Variants in CARNMT1 observed in about 807,000 individuals in gnomAD.
CARNMT1 encodes the protein protein-L-histidine N-pros-methyltransferase CARNMT1.
CARNMT1 carries 28 observed loss-of-function variants against 49.6 expected under a neutral mutation model. The ratio of observed to expected loss-of-function variants is 0.56; its 90% CI spans 0.42 to 0.77. The LOEUF is 0.77. CARNMT1 is among the 30% of genes least tolerant of loss of function. The probability of loss-of-function intolerance (pLI) is 0.00; values close to 1 mark genes in which losing one functional copy is unlikely to be tolerated. For missense variants in CARNMT1, 421 were observed against 512.6 expected (o/e 0.82, Z 1.73); for synonymous variants, 178 against 175.0 (o/e 1.02, Z -0.13).
intron 6 of CARNMT1, among the ~76,000 whole-genome samples, chr9:74,990,739 T>C (rs1426216543): frequency 6.6e-6 from 1 of 152,140 alleles, no homozygotes; most frequent in African/African-American, 2.4e-5. Flanking sequence ...GAATATCTGG[T>C]TGTTTCACAA....
In CARNMT1 at chr9:74,983,662, C is replaced by T; in HGVS notation, c.*105G>A. On this transcript the variant is annotated 3_prime_UTR_variant, in exon 8 of 8. Coordinates refer to ENST00000376834, the MANE Select transcript of CARNMT1 (RefSeq NM_152420.3). Reference sequence around the variant, plus strand: ...TTTCGTTAGGAATAAGAAGGCACCACTGATTTGAGGTTGTGTCCTGTCATC... The same window carrying T: ...TTTCGTTAGGAATAAGAAGGCACCATTGATTTGAGGTTGTGTCCTGTCATC... 5.0e-6 allele frequency: 3 copies of T among 605,208 alleles called. No individual in the cohort carries two copies. The highest frequency in any genetic ancestry group is 5.5e-5 in the East Asian group (2 of 36,090). 37.5% of individuals were successfully genotyped at this position (605,208 alleles called of 1,614,324 possible).
At chr9:75,021,238 ATATATACATAG>A (rs932165724) in intron 1 of CARNMT1, among the ~76,000 whole-genome samples, 217 of 144,754 alleles carry the variant, frequency 1.5e-3, no homozygotes, top group African/African-American at 4.9e-3. Flanking sequence ...TATATAGAGT[ATATATACATAG>A]TATATACATA....
intron 3 of CARNMT1, among the ~76,000 whole-genome samples, chr9:75,012,183 A>G (rs1833708067): frequency 6.6e-6 from 1 of 152,094 alleles, no homozygotes; most frequent in Non-Finnish European, 1.5e-5. Context: ...ATCCTTGACC[A>G]TTTGAGATGT....
At chr9:75,028,425 A>G, upstream of CARNMT1, 3 of 1,280,874 alleles carry the variant, frequency 2.3e-6, no homozygotes, top group Non-Finnish European at 2.9e-6. Flanking sequence ...CAGGGCTCCC[A>G]GAACCAATGC....
Position 75,016,450 on chromosome 9 carries a change from T to A in CARNMT1, c.427-19A>T, listed in dbSNP as rs771819384. Reference sequence around the variant, plus strand: ...CATTCCCCTGTTTAAAAAACAGACATCAATTAGCTTCTGAGAGAGTAATCC... The same window carrying A: ...CATTCCCCTGTTTAAAAAACAGACAACAATTAGCTTCTGAGAGAGTAATCC... On this transcript the variant is annotated intron_variant, in intron 2 of 7. Transcript: ENST00000376834. 5.0e-6 allele frequency: 8 copies of A among 1,611,752 alleles called. No homozygotes were observed. In the African/African-American group the frequency reaches 9.4e-5, roughly 19 times the overall value.
At chr9:74,999,610 T>C (rs1310782696) in intron 4 of CARNMT1, 120 bp downstream of exon 4, 7 of 769,218 alleles carry the variant, frequency 9.1e-6, no homozygotes, top group Non-Finnish European at 1.4e-5. Context: ...GACACATTTG[T>C]GATATATATA....
Position 75,017,249 on chromosome 9 carries a change from A to C in CARNMT1, c.426+4T>G, listed in dbSNP as rs756894080. The C allele has an allele frequency of 1.9e-6, 3 of 1,605,628 alleles. No homozygotes were observed. Among genetic ancestry groups the C allele is most frequent in the Non-Finnish European group, 2.6e-6 (3 of 1,173,622 alleles). ...AAACAGAAATAGAACAAACTTTCAC[A>C]TACATCTTCTCCATATTCTTTATTT... On this transcript the variant is annotated splice_donor_region_variant and intron_variant, in intron 2 of 7. Coordinates refer to ENST00000376834, the MANE Select transcript of CARNMT1 (RefSeq NM_152420.3).
At position 75,013,181 on chromosome 9, in the gene CARNMT1, T is replaced by C. The variant is rs930929975; in HGVS notation, c.590+3087A>G. On this transcript the variant is annotated intron_variant, in intron 3 of 7. Coordinates refer to ENST00000376834, the MANE Select transcript of CARNMT1 (RefSeq NM_152420.3). ...TCTCCATAACCCATGCACGGAGACCTGAAAAATCATCCTTACTGGGTATAA... is the reference window on the plus strand; with the variant it reads ...TCTCCATAACCCATGCACGGAGACCCGAAAAATCATCCTTACTGGGTATAA... Among the ~76,000 whole-genome samples, 2 of 152,148 alleles carry C rather than the reference T, an allele frequency of 1.3e-5. 1 individual carries two copies. The highest frequency in any genetic ancestry group is 4.8e-5 in the African/African-American group (2 of 41,442).
intron 3 of CARNMT1, among the ~76,000 whole-genome samples, chr9:75,008,761 T>G (rs1253980199): frequency 6.6e-6 from 1 of 152,214 alleles, no homozygotes; most frequent in Non-Finnish European, 1.5e-5. Flanking sequence ...CAAAGCAATC[T>G]ATATATTCAG....
At chr9:75,021,302 T>C in intron 1 of CARNMT1, among the ~76,000 whole-genome samples, 1 of 130,810 alleles carries the variant, frequency 7.6e-6, no homozygotes, top group South Asian at 2.4e-4. Flanking sequence ...GTATATATAC[T>C]ACTATATACA....
intron 2 of CARNMT1, chr9:75,017,036 T>G: frequency 2.1e-6 from 1 of 482,554 alleles, no homozygotes; most frequent in South Asian, 4.6e-5. Flanking sequence ...CATCAAAATC[T>G]CAACAGTTAT....
At chr9:74,986,492 T>TTA (rs1288824887) in intron 6 of CARNMT1, among the ~76,000 whole-genome samples, 1 of 152,236 alleles carries the variant, frequency 6.6e-6, no homozygotes, top group Non-Finnish European at 1.5e-5. Context: ...GCACTGCTGT[T>TTA]TCCTAGACTA....
chr9:75,015,139 G>A (rs1351618586), intron 3 of CARNMT1, among the ~76,000 whole-genome samples: 1 of 152,158 alleles, frequency 6.6e-6, no homozygotes. Flanking sequence ...AGAATTCACT[G>A]AGTCTCTGAA....
chr9:74,987,367 A>G (rs2118752466), intron 6 of CARNMT1, among the ~76,000 whole-genome samples: 1 of 152,336 alleles, frequency 6.6e-6, no homozygotes. Context: ...TAATCATAAT[A>G]ATTTGGGAAT....
At chr9:75,015,368 T>C (rs1345994992) in intron 3 of CARNMT1, among the ~76,000 whole-genome samples, 1 of 152,228 alleles carries the variant, frequency 6.6e-6, no homozygotes, top group Non-Finnish European at 1.5e-5. Flanking sequence ...AGCTAAATTG[T>C]ATTTAAAGTG....
chr9:74,996,819 T>C (rs1356996597), intron 5 of CARNMT1, among the ~76,000 whole-genome samples: 1 of 152,142 alleles, frequency 6.6e-6, no homozygotes, highest in Non-Finnish European at 1.5e-5. Flanking sequence ...TCTCTACATA[T>C]TATTACCAAA....
In CARNMT1 at chr9:75,028,158, C is replaced by A; in HGVS notation, c.84G>T (p.Val28=). ...AACGCCCGGCGGAAAACTGCACTTCCACCTCCTCGCTGCCACCGCCTCCTC... is the reference window on the plus strand; with the variant it reads ...AACGCCCGGCGGAAAACTGCACTTCAACCTCCTCGCTGCCACCGCCTCCTC... ...CGGGGGGSEE[V]EVQFSAGRWG... Residue 28 remains valine (V), a synonymous_variant, in exon 1 of 8, where the codon GTG becomes GTT. Transcript: ENST00000376834. 6.5e-7 allele frequency: 1 copy of A among 1,534,540 alleles called. No individual in the cohort carries two copies. The highest frequency in any genetic ancestry group is 2.7e-5 in the East Asian group (1 of 36,780).
intron 3 of CARNMT1, among the ~76,000 whole-genome samples, chr9:75,015,030 C>T (rs1255502681): frequency 5.9e-5 from 9 of 152,132 alleles, no homozygotes; most frequent in Admixed American, 2.0e-4. Flanking sequence ...TGAATTCCAT[C>T]CAATAGCTTT....
At chr9:75,004,844 C>T (rs1833456778) in intron 3 of CARNMT1, among the ~76,000 whole-genome samples, 1 of 152,060 alleles carries the variant, frequency 6.6e-6, no homozygotes, top group South Asian at 2.1e-4. Context: ...AGATTTTCCC[C>T]CACAAATCAC....
Sources: gnomAD v4.1 joint callset for allele counts (sites outside exome capture counted in the v4.1 genomes callset) on GRCh38, gnomAD v4.1.1 for gene constraint, MANE v1.5 for transcripts, NCBI Gene and HGNC (gene_info 2026-07-23, HGNC 2026-07-21) for gene names.